MARS1: variants seen among roughly 807,000 people sequenced by gnomAD.
MARS1 encodes the protein methionine--tRNA ligase, cytoplasmic.
Under a neutral mutation model 119.5 loss-of-function variants are expected in MARS1, and 80 were observed. The observed-to-expected ratio is 0.67, with a 90% CI of 0.56 to 0.81. The LOEUF (loss-of-function observed/expected upper bound fraction) is 0.81. Among genes scored for constraint, MARS1 ranks in the 30% least tolerant of loss-of-function variants. The pLI, the probability that MARS1 is intolerant of heterozygous loss-of-function variation, is 0.00. For missense variants in MARS1, 945 were observed against 1,116.5 expected (o/e 0.85, Z 2.19); for synonymous variants, 418 against 433.4 (o/e 0.96, Z 0.44).
chr12:57,499,775 T>TA, intron 9 of MARS1, among the ~76,000 whole-genome samples: 1 of 152,006 alleles, frequency 6.6e-6, no homozygotes. Context: ...GGTGGGCACC[T>TA]ATAATCCCAG....
intron 15 of MARS1, among the ~76,000 whole-genome samples, chr12:57,514,103 GTGTT>G (rs1877655881): frequency 6.7e-6 from 1 of 148,990 alleles, no homozygotes; most frequent in Non-Finnish European, 1.5e-5. Flanking sequence ...CTTGCCTAGA[GTGTT>G]TGTTTGATAG....
intron 11 of MARS1, among the ~76,000 whole-genome samples, chr12:57,511,317 C>G (rs1221352461): frequency 6.6e-6 from 1 of 152,016 alleles, no homozygotes; most frequent in Admixed American, 6.6e-5. Flanking sequence ...GGCAGGGTGG[C>G]TCACAACTGT....
chr12:57,495,513 C>T (rs1400704469), intron 7 of MARS1, among the ~76,000 whole-genome samples: 1 of 151,216 alleles, frequency 6.6e-6, no homozygotes, highest in African/African-American at 2.4e-5. Context: ...CCTCACTTCC[C>T]AGACTGGGCG....
rs1445769312 is a variant in MARS1, at chr12:57,516,297, C to T, written c.2516C>T (p.Pro839Leu). 6.2e-7 allele frequency: 1 copy of T among 1,614,070 alleles called. No individual in the cohort carries two copies. The highest frequency in any genetic ancestry group is 1.3e-5 in the African/African-American group (1 of 74,924). ...AVVETVTTAK[P>L]QQIQALMDEV... ...GTAGAGACTGTTACAACAGCCAAGC[C>T]ACAGCAGATACAAGCGCTGATGGAT... Residue 839 changes from proline (P) to leucine (L), a missense_variant, in exon 20 of 21, where the codon CCA becomes CTA. Transcript: ENST00000262027.
chr12:57,490,538 G>A lies in MARS1; in HGVS notation c.664G>A (p.Glu222Lys), dbSNP rs915134782. The A allele has an allele frequency of 1.9e-6, 3 of 1,613,810 alleles. No homozygotes were observed. The highest frequency in any genetic ancestry group is 1.7e-4 in the Middle Eastern group (1 of 6,058). ...AAGGGATTCTCTCCACTCTTTATAG[G>A]AGGAGGAGCTGGCTACCCTATCTGA... is the stretch of plus-strand genomic sequence containing the variant. Reference protein sequence around the residue: ...EGRAVTNEPEEEELATLSEEE... With the variant: ...EGRAVTNEPEKEELATLSEEE... The change falls in exon 7 of 21, where the codon GAG becomes AAG. Residue 222 changes from glutamate (E) to lysine (K), a missense_variant and splice_region_variant. Physicochemically the swap from Glu to Lys is moderately conservative, Grantham distance 56. Transcript: ENST00000262027.
In MARS1 at chr12:57,498,563, A is replaced by G. The variant is rs766466297; in HGVS notation, c.1031A>G (p.Tyr344Cys). 5.6e-6 allele frequency: 9 copies of G among 1,614,204 alleles called. No individual in the cohort carries two copies. The highest frequency in any genetic ancestry group is 7.6e-6 in the Non-Finnish European group (9 of 1,180,036). ...DKYHIIHADI[Y>C]RWFNISFDIF... ...TACCACATCATCCATGCTGACATCT[A>G]CCGCTGGTTTAACATTTCGTTTGAT... The change falls in exon 9 of 21, where the codon TAC (tyrosine) becomes TGC (cysteine). Residue 344 changes from tyrosine to cysteine, a missense_variant. Physicochemically the swap from Tyr to Cys is radical, Grantham distance 194. Coordinates refer to ENST00000262027, the MANE Select transcript of MARS1 (RefSeq NM_004990.4).
chr12:57,496,577 G>A (rs1286255548), intron 7 of MARS1, among the ~76,000 whole-genome samples: 3 of 151,864 alleles, frequency 2.0e-5, no homozygotes, highest in Non-Finnish European at 4.4e-5. Context: ...CCAGGAGTTC[G>A]AGACCAGTCC....
At chr12:57,507,509 T>C (rs1336457155) in intron 11 of MARS1, among the ~76,000 whole-genome samples, 2 of 65,402 alleles carry the variant, frequency 3.1e-5, no homozygotes, top group Non-Finnish European at 3.1e-5. Context: ...CCCTCCTGCA[T>C]GGGGCGGCTG....
intron 14 of MARS1, 149 bp from the exon 15 acceptor site, chr12:57,512,602 A>G (rs1877575150): frequency 5.7e-6 from 4 of 700,696 alleles, no homozygotes; most frequent in African/African-American, 1.8e-5. Flanking sequence ...AGGGACTCCC[A>G]AAATCTGAGC....
intron 11 of MARS1, among the ~76,000 whole-genome samples, chr12:57,508,353 C>T (rs939555543): frequency 2.0e-5 from 3 of 152,248 alleles, no homozygotes; most frequent in African/African-American, 7.2e-5. Context: ...CACACCACTG[C>T]ACTCCAGCCT....
Position 57,500,342 on chromosome 12 carries a change from G to A in MARS1, c.1113G>A (p.Gln371=), listed in dbSNP as rs753070989. Residue 371 remains glutamine, a synonymous_variant, in exon 10 of 21, where the codon CAG becomes CAA. Transcript: ENST00000262027. ...QQTKITQDIF[Q]QLLKRGFVLQ... ...CCAGAATCACCCAGGACATTTTCCA[G>A]CAGTTGCTGAAACGAGGTTTTGTGC... is the stretch of plus-strand genomic sequence containing the variant. The A allele has an allele frequency of 1.2e-6, 2 of 1,614,024 alleles. No individual in the cohort carries two copies. Among genetic ancestry groups the A allele is most frequent in the African/African-American group, 2.7e-5 (2 of 74,930 alleles).
chr12:57,505,916 C>G (rs761855035), intron 11 of MARS1, among the ~76,000 whole-genome samples: 1 of 151,632 alleles, frequency 6.6e-6, no homozygotes. Context: ...GGGTTTGAGA[C>G]CAGCCTGAGC....
chr12:57,515,685 C>T (rs1352195105), intron 18 of MARS1, among the ~76,000 whole-genome samples: 2 of 152,208 alleles, frequency 1.3e-5, no homozygotes, highest in Admixed American at 1.3e-4. Context: ...CATTGCTAAA[C>T]TTCTGGATCA....
At chr12:57,502,909 C>G (rs1251390581) in intron 10 of MARS1, among the ~76,000 whole-genome samples, 3 of 151,708 alleles carry the variant, frequency 2.0e-5, no homozygotes, top group Non-Finnish European at 4.4e-5. Flanking sequence ...GCCTATAATC[C>G]CAGCTACTCA....
At position 57,498,149 on chromosome 12, in the gene MARS1, C is replaced by T. The variant is rs753085536; in HGVS notation, c.771-8C>T. 3.8e-6 allele frequency: 6 copies of T among 1,598,814 alleles called. No individual in the cohort carries two copies. The highest frequency in any genetic ancestry group is 5.1e-6 in the Non-Finnish European group (6 of 1,166,014). On this transcript the variant is annotated splice_region_variant and splice_polypyrimidine_tract_variant and intron_variant, in intron 7 of 20. Coordinates refer to ENST00000262027, the MANE Select transcript of MARS1 (RefSeq NM_004990.4). ...CCATGCACTGTTCTCTTCCTCTTTCCTTACTAGGTTGCCTGTGGCTGGAGA... is the reference window on the plus strand; with the variant it reads ...CCATGCACTGTTCTCTTCCTCTTTCTTTACTAGGTTGCCTGTGGCTGGAGA...
At chr12:57,511,913 A>T in intron 12 of MARS1, 45 bp downstream of exon 12, 1 of 1,609,258 alleles carries the variant, frequency 6.2e-7, no homozygotes, top group Non-Finnish European at 8.5e-7. Flanking sequence ...TAGTGTTGAA[A>T]CCCTGGGCTA....
intron 10 of MARS1, among the ~76,000 whole-genome samples, chr12:57,502,231 C>T (rs11172241): frequency 0.012 from 1,783 of 152,084 alleles, 40 homozygotes; most frequent in African/African-American, 0.039. Context: ...CATCTGTGAA[C>T]GTGAGTGAGG....
chr12:57,494,538 T>C (rs1055304191), intron 7 of MARS1, among the ~76,000 whole-genome samples: 11 of 148,988 alleles, frequency 7.4e-5, no homozygotes, highest in African/African-American at 2.7e-4. Context: ...TTGATCATTA[T>C]TGGGTGTTTC....
chr12:57,493,539 T>TTA (rs1876216312), intron 7 of MARS1, among the ~76,000 whole-genome samples: 3 of 8,196 alleles, frequency 3.7e-4, no homozygotes, highest in South Asian at 5.7e-3. Context: ...TAATATATAA[T>TTA]ATATTATAAT....
Sources: allele counts gnomAD v4.1 joint callset (sites outside exome capture counted in the v4.1 genomes callset), GRCh38; gene constraint gnomAD v4.1.1; transcripts MANE v1.5; gene names NCBI Gene and HGNC (gene_info 2026-07-23, HGNC 2026-07-21).